The following ZBTB45 variants were observed in gnomAD, a reference collection of about 807,000 sequenced individuals.
The protein encoded by ZBTB45 is zinc finger and BTB domain-containing protein 45.
ZBTB45 carries 22 observed loss-of-function variants against 28.4 expected under a neutral mutation model. That is an observed-to-expected ratio of 0.77 (90% CI 0.55 to 1.10). The LOEUF is 1.10. ZBTB45 is among the 50% of genes least tolerant of loss of function. The probability of loss-of-function intolerance (pLI) is 0.00; values close to 1 mark genes in which losing one functional copy is unlikely to be tolerated. For synonymous variants in ZBTB45, 361 were observed against 332.3 expected (o/e 1.09, Z -0.94); for missense variants, 656 against 750.2 (o/e 0.87, Z 1.47).
At position 58,528,488 on chromosome 19, in the gene ZBTB45, G is replaced by A. The variant is rs528444932; in HGVS notation, c.-1+10213C>T. On this transcript the variant is annotated intron_variant, in intron 1 of 1. Coordinates refer to the ZBTB45 transcript ENST00000600130. ...AAAAAAAAAAAAAAAGTCCAGGTGC[G>A]GTGGCTCACGCCTATAATCCCAGCA... Among the ~76,000 whole-genome samples, 147 of 150,722 alleles carry A rather than the reference G, an allele frequency of 9.8e-4. 1 individual carries two copies. Among genetic ancestry groups the A allele is most frequent in the South Asian group, 5.7e-3 (27 of 4,732 alleles).
In ZBTB45 at chr19:58,513,988, A is replaced by C; in HGVS notation, c.*66T>G. On this transcript the variant is annotated 3_prime_UTR_variant, in exon 3 of 3. Transcript: ENST00000594051. ...TAGTGGCGGGAACCACGGGTCCCGC[A>C]GCGGGCGTGGCCGACTGTGCGGGAG... 1 of 1,348,354 alleles carries C rather than the reference A, an allele frequency of 7.4e-7. No individual in the cohort carries two copies. The highest frequency in any genetic ancestry group is 9.5e-7 in the Non-Finnish European group (1 of 1,055,838). 83.5% of individuals were successfully genotyped at this position (1,348,354 alleles called of 1,614,324 possible).
intron 1 of ZBTB45, chr19:58,518,959 C>G (rs1418274849): frequency 6.6e-6 from 1 of 152,620 alleles, no homozygotes; most frequent in African/African-American, 2.4e-5. Context: ...TCCCTTTGCT[C>G]AGCCAGACGC....
At chr19:58,526,980 A>C (rs990475083) in intron 1 of ZBTB45, among the ~76,000 whole-genome samples, 1 of 152,030 alleles carries the variant, frequency 6.6e-6, no homozygotes, top group Non-Finnish European at 1.5e-5. Context: ...GTTGTGGCCC[A>C]CCACACCTGG....
chr19:58,526,098 C>T (rs2053605276), intron 1 of ZBTB45, among the ~76,000 whole-genome samples: 1 of 152,158 alleles, frequency 6.6e-6, no homozygotes, highest in Non-Finnish European at 1.5e-5. Context: ...CATGGTGGCA[C>T]ATGCCTATAA....
chr19:58,531,430 CT>C (rs1219377923), intron 1 of ZBTB45, among the ~76,000 whole-genome samples: 1 of 152,194 alleles, frequency 6.6e-6, no homozygotes, highest in Non-Finnish European at 1.5e-5. Context: ...CGGGTTCCCC[CT>C]ACACAGCCAT....
At position 58,516,962 on chromosome 19, in the gene ZBTB45, G is replaced by A; in HGVS notation, c.712C>T (p.Pro238Ser). Residue 238 changes from proline (P) to serine (S), a missense_variant, in exon 2 of 3, where the codon CCA (proline) becomes TCA (serine). Physicochemically the swap from Pro to Ser is moderately conservative, Grantham distance 74. Around this residue, in one of 3 missense-constraint regions of ZBTB45, gnomAD observed 448 missense variants for 444.3 expected, o/e 1.01. Coordinates refer to ENST00000594051, the MANE Select transcript of ZBTB45 (RefSeq NM_001316979.2). The surrounding 1 kb of genome is among the most constrained non-coding windows in gnomAD (Gnocchi z 6.2). ...PGEGQAPPSF[P>S]DCAAGFLTAA... is the part of the protein sequence containing the mutation. ...GTGAGGAAGCCAGCAGCACAGTCTG[G>A]GAAGGAAGGAGGTGCCTGGCCCTCG... 6.2e-7 allele frequency: 1 copy of A among 1,613,284 alleles called. No homozygotes were observed. The highest frequency in any genetic ancestry group is 8.5e-7 in the Non-Finnish European group (1 of 1,180,016).
At chr19:58,528,787 A>C (rs2053620888) in intron 1 of ZBTB45, among the ~76,000 whole-genome samples, 1 of 151,536 alleles carries the variant, frequency 6.6e-6, no homozygotes, top group African/African-American at 2.4e-5. Context: ...CCAGCTACTC[A>C]GGAGGCTGAG....
chr19:58,535,004 C>T (rs1234187517), intron 1 of ZBTB45, among the ~76,000 whole-genome samples: 36 of 151,810 alleles, frequency 2.4e-4, no homozygotes, highest in African/African-American at 8.0e-4. Flanking sequence ...TACAGGCACC[C>T]GCTACCACAC....
At position 58,516,505 on chromosome 19, in the gene ZBTB45, C is replaced by G. The variant is rs778275899; in HGVS notation, c.1169G>C (p.Gly390Ala). 6.2e-7 allele frequency: 1 copy of G among 1,613,510 alleles called. No homozygotes were observed. The highest frequency in any genetic ancestry group is 1.7e-5 in the Admixed American group (1 of 59,964). ...PSAAPTTAPS[G>A]TPARTPGAEP... The stretch of plus-strand genomic sequence containing the variant: ...AGCACCTGGGGTGCGAGCAGGGGTG[C>G]CTGAGGGGGCCGTGGTGGGAGCAGC... Residue 390 changes from glycine (G) to alanine (A), a missense_variant, in exon 2 of 3, where the codon GGC (glycine) becomes GCC (alanine). Physicochemically the swap from Gly to Ala is moderately conservative, Grantham distance 60 (BLOSUM62 0). Around this residue, in one of 3 missense-constraint regions of ZBTB45, gnomAD observed 448 missense variants for 444.3 expected, o/e 1.01. Transcript: ENST00000594051. This position sits in a 1 kb window ranked among gnomAD's most constrained non-coding sequence, Gnocchi z 6.2.
upstream of ZBTB45, among the ~76,000 whole-genome samples, chr19:58,522,640 C>CA (rs1487186139): frequency 1.3e-5 from 2 of 151,956 alleles, no homozygotes; most frequent in African/African-American, 4.8e-5. Context: ...CGTCTCAGAA[C>CA]AAAAAAACAA....
At position 58,513,793 on chromosome 19, in the gene ZBTB45, A is replaced by C; in HGVS notation, c.*261T>G. 2.5e-6 allele frequency: 1 copy of C among 396,422 alleles called. No individual in the cohort carries two copies. The highest frequency in any genetic ancestry group is 4.4e-6 in the Non-Finnish European group (1 of 229,544). 24.6% of individuals were successfully genotyped at this position (396,422 alleles called of 1,614,324 possible). A position where few individuals can be genotyped will look rare whatever the true frequency, so the allele number is the denominator to read the frequency against. Reference sequence around the variant, plus strand: ...GTCCAAGCGCCTGAGCGCCCGGTTTACGCAGGAAATAGTCCAGTTCTCAGA... The same window carrying C: ...GTCCAAGCGCCTGAGCGCCCGGTTTCCGCAGGAAATAGTCCAGTTCTCAGA... On this transcript the variant is annotated 3_prime_UTR_variant, in exon 3 of 3. Transcript: ENST00000594051.
In ZBTB45 at chr19:58,516,349, C is replaced by T. The variant is rs2053493398; in HGVS notation, c.1279+46G>A. Reference sequence around the variant, plus strand: ...GTGCTCAATTCCCCCTCAGGTTTAACTCTCCGATGAGAGATTGCTCCCTCT... The same window carrying T: ...GTGCTCAATTCCCCCTCAGGTTTAATTCTCCGATGAGAGATTGCTCCCTCT... On this transcript the variant is annotated intron_variant, in intron 2 of 2. Transcript: ENST00000594051. This position sits in a 1 kb window ranked among gnomAD's most constrained non-coding sequence, Gnocchi z 6.2. The T allele has an allele frequency of 1.2e-5, 19 of 1,610,434 alleles. No individual in the cohort carries two copies. Among genetic ancestry groups the T allele is most frequent in the Non-Finnish European group, 1.5e-5 (18 of 1,177,684 alleles).
chr19:58,531,048 T>C (rs1355286284), intron 1 of ZBTB45, among the ~76,000 whole-genome samples: 2 of 152,194 alleles, frequency 1.3e-5, no homozygotes, highest in Non-Finnish European at 2.9e-5. Context: ...CGTGTTTAAC[T>C]GTTTGAGGAA....
rs1171057798 is a variant in ZBTB45 at position 58,516,326 on chromosome 19, G to C, written c.1279+69C>G. ...ACAGTGCCAGTGCCCTGTAACTAGT[G>C]CTCAATTCCCCCTCAGGTTTAACTC... On this transcript the variant is annotated intron_variant, in intron 2 of 2. Transcript: ENST00000594051. The surrounding 1 kb of genome is among the most constrained non-coding windows in gnomAD (Gnocchi z 6.2). 3 of 1,583,638 alleles carry C rather than the reference G, an allele frequency of 1.9e-6. No homozygotes were observed. In the African/African-American group the frequency reaches 4.0e-5, roughly 21 times the overall value.
intron 1 of ZBTB45, among the ~76,000 whole-genome samples, chr19:58,533,682 A>G (rs975824801): frequency 1.3e-5 from 2 of 152,196 alleles, no homozygotes; most frequent in African/African-American, 4.8e-5. Context: ...TTTGTTCTCC[A>G]TTCTGCTCCC....
upstream of ZBTB45, among the ~76,000 whole-genome samples, chr19:58,524,058 T>A (rs1218375972): frequency 3.5e-4 from 24 of 67,726 alleles, no homozygotes; most frequent in African/African-American, 1.1e-3. Flanking sequence ...TGGGAGACTC[T>A]GTCTCAAAAA....
chr19:58,516,501 G>A lies in ZBTB45; in HGVS notation c.1173C>T (p.Thr391=), dbSNP rs2053496522. Residue 391 remains threonine, a synonymous_variant, in exon 2 of 3, where the codon ACC becomes ACT. Coordinates refer to ENST00000594051, the MANE Select transcript of ZBTB45 (RefSeq NM_001316979.2). The surrounding 1 kb of genome is among the most constrained non-coding windows in gnomAD (Gnocchi z 6.2). ...SAAPTTAPSG[T]PARTPGAEPP... is the part of the protein sequence containing the mutation. ...GCTCAGCACCTGGGGTGCGAGCAGG[G>A]GTGCCTGAGGGGGCCGTGGTGGGAG... 2 of 1,613,736 alleles carry A rather than the reference G, an allele frequency of 1.2e-6. No homozygotes were observed. Among genetic ancestry groups the A allele is most frequent in the South Asian group, 1.1e-5 (1 of 91,072 alleles).
upstream of ZBTB45, among the ~76,000 whole-genome samples, chr19:58,524,245 A>G (rs1406593013): frequency 6.8e-6 from 1 of 147,234 alleles, no homozygotes; most frequent in South Asian, 2.2e-4. Flanking sequence ...GGCCCCTATA[A>G]TCCCAGCTAC....
At chr19:58,532,142 G>T (rs1478168655) in intron 1 of ZBTB45, among the ~76,000 whole-genome samples, 1 of 152,104 alleles carries the variant, frequency 6.6e-6, no homozygotes, top group Non-Finnish European at 1.5e-5. Context: ...TCACAATGTG[G>T]AGCTCTGAAC....
Sources: allele counts gnomAD v4.1 joint callset (sites outside exome capture counted in the v4.1 genomes callset), GRCh38; gene constraint gnomAD v4.1.1; regional missense constraint gnomAD v4.1.1; non-coding constraint Gnocchi (gnomAD v3.1); transcripts MANE v1.5; gene names NCBI Gene and HGNC (gene_info 2026-07-23, HGNC 2026-07-21).